Variants in ARHGAP18 observed in about 807,000 individuals in gnomAD.
ARHGAP18 encodes rho GTPase-activating protein 18.
Under a neutral mutation model 86.2 loss-of-function variants are expected in ARHGAP18, and 67 were observed. The observed-to-expected ratio is 0.78, with a 90% CI of 0.64 to 0.95. The LOEUF is 0.95. Among genes scored for constraint, ARHGAP18 ranks in the 40% least tolerant of loss-of-function variants. ARHGAP18 has a pLI of 0.00. For missense variants in ARHGAP18, 691 were observed against 780.4 expected (o/e 0.89, Z 1.37); for synonymous variants, 283 against 280.4 (o/e 1.01, Z -0.09).
intron 1 of ARHGAP18, among the ~76,000 whole-genome samples, chr6:129,661,512 G>GAAAA (rs57799426): frequency 0.054 from 7,314 of 136,310 alleles, 259 homozygotes; most frequent in Middle Eastern, 0.086. Context: ...CTCTTTAAAT[G>GAAAA]AAAAAAAAAA....
intron 12 of ARHGAP18, among the ~76,000 whole-genome samples, chr6:129,597,982 AC>A (rs983078831): frequency 6.6e-6 from 1 of 152,190 alleles, no homozygotes; most frequent in African/African-American, 2.4e-5. Context: ...TTTAAAAGGT[AC>A]ACCCCAAATG....
At chr6:129,664,907 T>A (rs1413899013) in intron 1 of ARHGAP18, among the ~76,000 whole-genome samples, 1 of 152,154 alleles carries the variant, frequency 6.6e-6, no homozygotes, top group African/African-American at 2.4e-5. Context: ...CTGATGACAC[T>A]TGAGCAGAGA....
At chr6:129,683,126 C>T (rs1013256054) in intron 1 of ARHGAP18, among the ~76,000 whole-genome samples, 4 of 150,140 alleles carry the variant, frequency 2.7e-5, no homozygotes, top group Non-Finnish European at 5.9e-5. Flanking sequence ...GGCTGGACTG[C>T]AGTGGCGTGA....
chr6:129,666,401 C>T (rs1774038550), intron 1 of ARHGAP18, among the ~76,000 whole-genome samples: 1 of 152,236 alleles, frequency 6.6e-6, no homozygotes, highest in Admixed American at 6.5e-5. Flanking sequence ...GGCTTCAGGG[C>T]TCCCTGTGGA....
chr6:129,685,165 TC>T (rs1337033385), intron 1 of ARHGAP18, among the ~76,000 whole-genome samples: 1 of 152,088 alleles, frequency 6.6e-6, no homozygotes, highest in African/African-American at 2.4e-5. Context: ...GGCCTCGGTT[TC>T]CCCAACTATA....
chr6:129,688,006 T>G (rs1774460854), intron 1 of ARHGAP18, among the ~76,000 whole-genome samples: 1 of 152,212 alleles, frequency 6.6e-6, no homozygotes, highest in Admixed American at 6.5e-5. Flanking sequence ...GTAGACCCAG[T>G]GATCCATGAT....
At position 129,638,471 on chromosome 6, in the gene ARHGAP18, A is replaced by G; in HGVS notation, c.475T>C (p.Leu159=). The change falls in exon 3 of 15, where the codon TTG becomes CTG. Residue 159 remains leucine (L), a synonymous_variant. Coordinates refer to ENST00000368149, the MANE Select transcript of ARHGAP18 (RefSeq NM_033515.3). ...TGGTACTGTTTGTTTTTTTTCCTCA[A>G]GGTCTGGGAGACCGTCTCTACTCGC... ...QKRVETVSQT[L]RKKNKQYQIP... The G allele has an allele frequency of 6.2e-7, 1 of 1,614,046 alleles. No homozygotes were observed. The highest frequency in any genetic ancestry group is 8.5e-7 in the Non-Finnish European group (1 of 1,179,982).
At chr6:129,707,680 G>C (rs928858445) in intron 1 of ARHGAP18, among the ~76,000 whole-genome samples, 1 of 142,814 alleles carries the variant, frequency 7.0e-6, no homozygotes, top group African/African-American at 2.6e-5. Flanking sequence ...ATTTTTGGTA[G>C]AGCTGTGGGG....
chr6:129,592,456 G>A (rs1788536188), intron 12 of ARHGAP18, among the ~76,000 whole-genome samples: 1 of 152,200 alleles, frequency 6.6e-6, no homozygotes, highest in Non-Finnish European at 1.5e-5. Context: ...TTTAAAATGT[G>A]ACAACATTAT....
chr6:129,634,461 A>G (rs1043825624), intron 3 of ARHGAP18, among the ~76,000 whole-genome samples: 3 of 152,226 alleles, frequency 2.0e-5, no homozygotes, highest in Non-Finnish European at 4.4e-5. Flanking sequence ...GTCTATCTGT[A>G]CAGTGGAATA....
intron 4 of ARHGAP18, among the ~76,000 whole-genome samples, chr6:129,633,633 C>T (rs908265210): frequency 2.0e-5 from 3 of 152,014 alleles, no homozygotes; most frequent in Non-Finnish European, 2.9e-5. Flanking sequence ...GATTTAAGAA[C>T]GATGCTGCAA....
chr6:129,685,139 G>C (rs1160468400), intron 1 of ARHGAP18, among the ~76,000 whole-genome samples: 2 of 152,150 alleles, frequency 1.3e-5, no homozygotes, highest in African/African-American at 4.8e-5. Context: ...CCTTGAGCAA[G>C]TTTTCTTCAC....
chr6:129,640,905 TG>T, intron 2 of ARHGAP18, among the ~76,000 whole-genome samples: 1 of 152,320 alleles, frequency 6.6e-6, no homozygotes. Flanking sequence ...ACTTAGCAAC[TG>T]CTTGAATTTC....
At chr6:129,656,650 AT>A (rs1773843464) in intron 1 of ARHGAP18, among the ~76,000 whole-genome samples, 1 of 142,770 alleles carries the variant, frequency 7.0e-6, no homozygotes, top group South Asian at 2.2e-4. Flanking sequence ...TCTCAAAAAA[AT>A]AATAAAAAAT....
chr6:129,649,892 C>G (rs1038320595), intron 1 of ARHGAP18, among the ~76,000 whole-genome samples: 1 of 149,568 alleles, frequency 6.7e-6, no homozygotes, highest in African/African-American at 2.5e-5. Flanking sequence ...GGCTTTCACT[C>G]TACTTCGTCT....
At chr6:129,705,867 T>C (rs1278957430) in intron 1 of ARHGAP18, among the ~76,000 whole-genome samples, 1 of 152,182 alleles carries the variant, frequency 6.6e-6, no homozygotes, top group African/African-American at 2.4e-5. Flanking sequence ...ACACTGCTAA[T>C]GAATGAGAGA....
At chr6:129,652,270 T>C (rs930420444) in intron 1 of ARHGAP18, among the ~76,000 whole-genome samples, 2 of 152,242 alleles carry the variant, frequency 1.3e-5, no homozygotes, top group Non-Finnish European at 2.9e-5. Flanking sequence ...TCAGAACAAC[T>C]GTCTAGTACT....
rs1303040851 is a variant in ARHGAP18, at chr6:129,638,374, C to T, written c.552+20G>A. The T allele has an allele frequency of 6.2e-7, 1 of 1,603,322 alleles. No individual in the cohort carries two copies. The highest frequency in any genetic ancestry group is 1.1e-5 in the South Asian group (1 of 90,418). On this transcript the variant is annotated intron_variant, in intron 3 of 14. Coordinates refer to ENST00000368149, the MANE Select transcript of ARHGAP18 (RefSeq NM_033515.3). ...GTAAGCAATTATTCCTTTGCCTTAACATCAAAAAAGAAAACCTACTGTTTC... is the reference window on the plus strand; with the variant it reads ...GTAAGCAATTATTCCTTTGCCTTAATATCAAAAAAGAAAACCTACTGTTTC...
At chr6:129,639,874 C>G (rs1773409561) in intron 2 of ARHGAP18, among the ~76,000 whole-genome samples, 1 of 151,312 alleles carries the variant, frequency 6.6e-6, no homozygotes, top group African/African-American at 2.4e-5. Context: ...GTGAAACCCC[C>G]TCTCTACAAA....
Sources: allele counts gnomAD v4.1 joint callset (sites outside exome capture counted in the v4.1 genomes callset), GRCh38; gene constraint gnomAD v4.1.1; transcripts MANE v1.5; gene names NCBI Gene and HGNC (gene_info 2026-07-23, HGNC 2026-07-21).